CADM2: variants seen among roughly 807,000 people sequenced by gnomAD.
The protein encoded by CADM2 is immunoglobulin superfamily member 4D.
CADM2 carries 12 observed loss-of-function variants against 49.8 expected under a neutral mutation model. That is an observed-to-expected ratio of 0.24 (90% CI 0.15 to 0.39). The LOEUF (loss-of-function observed/expected upper bound fraction) is 0.39. Ranked by LOEUF, CADM2 falls within the 10% of genes least tolerant of loss-of-function variation. The pLI is 1.00. For synonymous variants in CADM2, 214 were observed against 175.4 expected (o/e 1.22, Z -1.74); for missense variants, 378 against 492.3 (o/e 0.77, Z 2.20).
intron 8 of CADM2, among the ~76,000 whole-genome samples, chr3:85,973,025 C>T (rs1379438121): frequency 2.0e-5 from 3 of 151,604 alleles, no homozygotes; most frequent in Non-Finnish European, 4.4e-5. Flanking sequence ...TTTTTTAATA[C>T]TCCTTTAGAC....
chr3:85,459,523 A>T (rs1168089907), intron 1 of CADM2, among the ~76,000 whole-genome samples: 1 of 152,222 alleles, frequency 6.6e-6, no homozygotes, highest in Non-Finnish European at 1.5e-5. Context: ...TGTAGCAGAG[A>T]TGCTTAAAAA....
chr3:85,105,596 A>G (rs1265703699), intron 1 of CADM2, among the ~76,000 whole-genome samples: 3 of 152,178 alleles, frequency 2.0e-5, no homozygotes, highest in Admixed American at 1.3e-4. Context: ...ATTACTGGGT[A>G]TATACCCAAG....
chr3:85,872,705 TTA>T lies in CADM2; in HGVS notation c.239-10584_239-10583del, dbSNP rs530704963. Among the ~76,000 whole-genome samples the T allele has an allele frequency of 3.4e-4, 51 of 149,128 alleles. 1 individual carries two copies. In the East Asian group the frequency reaches 8.4e-3, roughly 24 times the overall value. Reference sequence around the variant, plus strand: ...ATTTATATTTATACTTTATATAAATTTATGTTTATATTTATACATTATATATA... The same window carrying T: ...ATTTATATTTATACTTTATATAAATTTGTTTATATTTATACATTATATATA... On this transcript the variant is annotated intron_variant, in intron 3 of 9. Transcript: ENST00000383699.
At position 85,935,753 on chromosome 3, in the gene CADM2, T is replaced by G; in HGVS notation, c.701-14T>G. The G allele has an allele frequency of 6.8e-7, 1 of 1,461,148 alleles. No homozygotes were observed. The highest frequency in any genetic ancestry group is 9.5e-7 in the Non-Finnish European group (1 of 1,055,120). 90.5% of individuals were successfully genotyped at this position (1,461,148 alleles called of 1,614,324 possible). On this transcript the variant is annotated splice_polypyrimidine_tract_variant and intron_variant, in intron 6 of 9. Coordinates refer to ENST00000383699, the MANE Select transcript of CADM2 (RefSeq NM_001167675.2). ...TGTGTTTAATTACCTTTCTTAATAT[T>G]CTTTTATTTCTAGATACACCATCAG...
At chr3:85,084,928 C>T (rs1395965763) in intron 1 of CADM2, among the ~76,000 whole-genome samples, 1 of 151,948 alleles carries the variant, frequency 6.6e-6, no homozygotes, top group South Asian at 2.1e-4. Context: ...TAAGCAAGTA[C>T]TTTTAGGTTA....
At chr3:85,938,990 T>C (rs1721505192) in intron 7 of CADM2, among the ~76,000 whole-genome samples, 1 of 152,152 alleles carries the variant, frequency 6.6e-6, no homozygotes, top group Non-Finnish European at 1.5e-5. Context: ...TTATTCAGAG[T>C]AATTAGGTAT....
At position 86,024,935 on chromosome 3, in the gene CADM2, G is replaced by A. The variant is rs1577986672; in HGVS notation, c.971-40670G>A. Among the ~76,000 whole-genome samples, 3 of 151,914 alleles carry A rather than the reference G, an allele frequency of 2.0e-5. 1 individual carries two copies. The South Asian group carries it at 6.2e-4, about 32-fold the overall frequency. On this transcript the variant is annotated intron_variant, in intron 8 of 9. Coordinates refer to ENST00000383699, the MANE Select transcript of CADM2 (RefSeq NM_001167675.2). ...TCTCACTCTGTCGCCCTGGAGTGCA[G>A]TGGTGCAATCTTGGCTCATTGCACC...
intron 1 of CADM2, among the ~76,000 whole-genome samples, chr3:85,017,770 T>C (rs1029404905): frequency 2.0e-5 from 3 of 152,208 alleles, no homozygotes; most frequent in Non-Finnish European, 4.4e-5. Flanking sequence ...AGTATTATTA[T>C]GTTTAACTTT....
rs200635237 is a variant in CADM2, at chr3:85,544,821, C to CA, written c.62-181692dup. Among the ~76,000 whole-genome samples the CA allele has an allele frequency of 7.7e-3, 731 of 94,830 alleles. 7 individuals carry two copies. The highest frequency in any genetic ancestry group is 0.02 in the African/African-American group (670 of 33,936). The allele number at this position is 94,830 out of a possible 152,430, so 62.2% of individuals were successfully genotyped here. ...TTGTTGATAATATGCTACATGTGTTCAAAAAAAAAGAAAAGAAAAGGAGAA... is the reference window on the plus strand; with the variant it reads ...TTGTTGATAATATGCTACATGTGTTCAAAAAAAAAAGAAAAGAAAAGGAGAA... On this transcript the variant is annotated intron_variant, in intron 1 of 9. Transcript: ENST00000383699.
At chr3:85,248,293 G>T (rs1478187879) in intron 1 of CADM2, among the ~76,000 whole-genome samples, 1 of 150,188 alleles carries the variant, frequency 6.7e-6, no homozygotes. Context: ...AACTTTTTTT[G>T]AGACAGAGTC....
chr3:85,506,683 C>T (rs1430586805), intron 1 of CADM2, among the ~76,000 whole-genome samples: 1 of 152,068 alleles, frequency 6.6e-6, no homozygotes, highest in African/African-American at 2.4e-5. Context: ...TACAGGCACA[C>T]ACCATACCCC....
chr3:85,709,326 C>T (rs2067043637), intron 1 of CADM2, among the ~76,000 whole-genome samples: 2 of 152,078 alleles, frequency 1.3e-5, no homozygotes, highest in African/African-American at 4.8e-5. Context: ...GCAGGCTAAA[C>T]TGCTATCTAT....
At chr3:85,235,877 T>G (rs2042396702) in intron 1 of CADM2, among the ~76,000 whole-genome samples, 1 of 152,160 alleles carries the variant, frequency 6.6e-6, no homozygotes, top group African/African-American at 2.4e-5. Flanking sequence ...AAGTCAATCC[T>G]GTAGGTAACC....
chr3:85,549,463 C>A (rs985066625), intron 1 of CADM2, among the ~76,000 whole-genome samples: 10 of 152,110 alleles, frequency 6.6e-5, no homozygotes, highest in Non-Finnish European at 1.2e-4. Flanking sequence ...GATATCTATA[C>A]ATCATCGCCT....
In CADM2 at chr3:86,070,064, T is replaced by C. The variant is rs143056079; in HGVS notation, c.*3281T>C. On this transcript the variant is annotated 3_prime_UTR_variant, in exon 10 of 10. Transcript: ENST00000383699. ...TTACCAGAGAATCCAAGAAGCAGTT[T>C]AAGGAACCTGATATTGGAGTTTAAT... The C allele has an allele frequency of 5.9e-5, 9 of 152,056 alleles. No individual in the cohort carries two copies. In the East Asian group the frequency reaches 1.7e-3, roughly 29 times the overall value. 9.4% of individuals were successfully genotyped at this position (152,056 alleles called of 1,614,324 possible). A position where few individuals can be genotyped will look rare whatever the true frequency, so the allele number is the denominator to read the frequency against.
intron 8 of CADM2, among the ~76,000 whole-genome samples, chr3:86,005,549 C>T (rs1231917559): frequency 1.8e-5 from 2 of 109,900 alleles, no homozygotes; most frequent in Non-Finnish European, 3.8e-5. Flanking sequence ...GAGACTCCGT[C>T]TCATATAAAA....
chr3:86,011,558 G>A (rs1263885486), intron 8 of CADM2, among the ~76,000 whole-genome samples: 1 of 152,098 alleles, frequency 6.6e-6, no homozygotes, highest in Non-Finnish European at 1.5e-5. Flanking sequence ...TAAGAAAAAG[G>A]AGAAGTAGGA....
intron 1 of CADM2, among the ~76,000 whole-genome samples, chr3:85,269,953 G>A (rs977051693): frequency 1.3e-5 from 2 of 150,932 alleles, no homozygotes; most frequent in Non-Finnish European, 3.0e-5. Context: ...CCACAATATC[G>A]TTTACAGGCA....
At chr3:86,037,646 T>A (rs1352178921) in intron 8 of CADM2, among the ~76,000 whole-genome samples, 1 of 151,666 alleles carries the variant, frequency 6.6e-6, no homozygotes, top group East Asian at 1.9e-4. Context: ...TCAATTATTA[T>A]AAAGTTCTTA....
Sources: allele counts gnomAD v4.1 joint callset (sites outside exome capture counted in the v4.1 genomes callset), GRCh38; gene constraint gnomAD v4.1.1; transcripts MANE v1.5; gene names NCBI Gene and HGNC (gene_info 2026-07-23, HGNC 2026-07-21).